Variants in SV2C observed in about 807,000 individuals in gnomAD.
The protein encoded by SV2C is synaptic vesicle glycoprotein 2C.
Under a neutral mutation model 79.7 loss-of-function variants are expected in SV2C, and 49 were observed. That is an observed-to-expected ratio of 0.61 (90% CI 0.49 to 0.78). The LOEUF (loss-of-function observed/expected upper bound fraction) is 0.78. SV2C is among the 30% of genes least tolerant of loss of function. The pLI is 0.00. For synonymous variants in SV2C, 334 were observed against 333.2 expected (o/e 1.00, Z -0.03); for missense variants, 833 against 912.9 (o/e 0.91, Z 1.13).
intron 12 of SV2C, among the ~76,000 whole-genome samples, chr5:76,307,065 T>G (rs1424505236): frequency 6.6e-6 from 1 of 152,218 alleles, no homozygotes; most frequent in Admixed American, 6.5e-5. Context: ...GTTTTTTCTT[T>G]GCCTGCCATG....
At chr5:75,893,698 A>G in the SV2C span, among the ~76,000 whole-genome samples, 1 of 152,120 alleles carries the variant, frequency 6.6e-6, no homozygotes, top group Admixed American at 6.6e-5. Context: ...TGCATCATAT[A>G]ATATACCCAT....
the SV2C span, among the ~76,000 whole-genome samples, chr5:76,046,266 C>T: frequency 2.6e-5 from 4 of 151,492 alleles, no homozygotes; most frequent in South Asian, 2.1e-4. Flanking sequence ...AATCCAAAGG[C>T]CACCCCATCA....
At chr5:76,337,439 G>A (rs1394819721), downstream of SV2C, among the ~76,000 whole-genome samples, 4 of 152,152 alleles carry the variant, frequency 2.6e-5, no homozygotes, top group Non-Finnish European at 4.4e-5. Flanking sequence ...GAGGCACTGC[G>A]GGGTTGGGAC....
At chr5:76,290,718 G>C (rs1050912121) in intron 6 of SV2C, among the ~76,000 whole-genome samples, 2 of 152,230 alleles carry the variant, frequency 1.3e-5, no homozygotes, top group Non-Finnish European at 2.9e-5. Context: ...ACTAGCCACT[G>C]TGGGTTAGGC....
chr5:76,041,942 C>A, the SV2C span, among the ~76,000 whole-genome samples: 1 of 152,108 alleles, frequency 6.6e-6, no homozygotes, highest in Non-Finnish European at 1.5e-5. Flanking sequence ...CCCCAAAATC[C>A]AGAACGCTCC....
the SV2C span, among the ~76,000 whole-genome samples, chr5:75,996,042 G>GA: frequency 6.6e-6 from 1 of 152,138 alleles, no homozygotes; most frequent in African/African-American, 2.4e-5. Flanking sequence ...CTGGCAGTTG[G>GA]AAAATAAGAG....
chr5:76,116,061 C>T (rs893771253), intron 1 of SV2C, among the ~76,000 whole-genome samples: 3 of 152,238 alleles, frequency 2.0e-5, no homozygotes, highest in Non-Finnish European at 2.9e-5. Flanking sequence ...AGAAGAGCAG[C>T]ACCTCCTGCA....
chr5:76,046,364 A>G, the SV2C span, among the ~76,000 whole-genome samples: 1 of 152,202 alleles, frequency 6.6e-6, no homozygotes, highest in Non-Finnish European at 1.5e-5. Context: ...AAAGCAGTGA[A>G]TTCTGAAGGG....
At chr5:76,244,853 T>C (rs1441443622) in intron 4 of SV2C, among the ~76,000 whole-genome samples, 2 of 152,230 alleles carry the variant, frequency 1.3e-5, no homozygotes, top group Non-Finnish European at 2.9e-5. Flanking sequence ...GGCTGCCATA[T>C]TGTACTAGGC....
chr5:76,074,505 G>A, the SV2C span, among the ~76,000 whole-genome samples: 1 of 152,174 alleles, frequency 6.6e-6, no homozygotes, highest in Non-Finnish European at 1.5e-5. Flanking sequence ...CAAACTCAGG[G>A]TACGGCCCTG....
the SV2C span, among the ~76,000 whole-genome samples, chr5:75,877,236 AAT>A: frequency 6.6e-6 from 1 of 152,142 alleles, no homozygotes; most frequent in African/African-American, 2.4e-5. Context: ...ATCCATCAGC[AAT>A]ATATGATAAT....
downstream of SV2C, among the ~76,000 whole-genome samples, chr5:76,336,746 A>G (rs1423993139): frequency 6.6e-6 from 1 of 152,236 alleles, no homozygotes; most frequent in Non-Finnish European, 1.5e-5. Context: ...CACAAAAACC[A>G]GTCAGGCGTG....
the SV2C span, among the ~76,000 whole-genome samples, chr5:75,933,956 C>T: frequency 6.6e-6 from 1 of 152,198 alleles, no homozygotes; most frequent in African/African-American, 2.4e-5. Context: ...GATCAAGATT[C>T]AACCCAATGA....
chr5:76,275,072 A>C (rs1413950623), intron 4 of SV2C, among the ~76,000 whole-genome samples: 1 of 152,204 alleles, frequency 6.6e-6, no homozygotes, highest in Admixed American at 6.5e-5. Context: ...TAGCTTAAAA[A>C]TTGATCTCAC....
At chr5:76,228,564 T>C (rs1045299222) in intron 4 of SV2C, among the ~76,000 whole-genome samples, 8 of 152,234 alleles carry the variant, frequency 5.3e-5, no homozygotes, top group Non-Finnish European at 8.8e-5. Flanking sequence ...CCCTCCAGAC[T>C]GCCACGGTTT....
At chr5:76,261,453 GTTCTGGCC>G (rs1746465253) in intron 4 of SV2C, among the ~76,000 whole-genome samples, 1 of 152,090 alleles carries the variant, frequency 6.6e-6, no homozygotes, top group African/African-American at 2.4e-5. Flanking sequence ...TTGCCCGATT[GTTCTGGCC>G]AGAACTTCCA....
chr5:76,245,686 G>C (rs193179431), intron 4 of SV2C, among the ~76,000 whole-genome samples: 12 of 152,284 alleles, frequency 7.9e-5, no homozygotes, highest in Admixed American at 7.2e-4. Flanking sequence ...ACCAATGACA[G>C]CTGTTAACTC....
the SV2C span, among the ~76,000 whole-genome samples, chr5:75,922,807 T>C: frequency 3.9e-5 from 6 of 152,138 alleles, no homozygotes; most frequent in Non-Finnish European, 2.9e-5. Flanking sequence ...CCCAAAATCA[T>C]CACATGGAGA....
chr5:76,170,338 A>C (rs977568039), intron 2 of SV2C, among the ~76,000 whole-genome samples: 4 of 123,246 alleles, frequency 3.2e-5, no homozygotes, highest in African/African-American at 1.3e-4. Context: ...TCACATCCAC[A>C]GTACTCGTCC....
Sources: allele counts gnomAD v4.1 joint callset (sites outside exome capture counted in the v4.1 genomes callset), GRCh38; gene constraint gnomAD v4.1.1; transcripts MANE v1.5; gene names NCBI Gene and HGNC (gene_info 2026-07-23, HGNC 2026-07-21).